Variants in G3BP2 observed in about 807,000 individuals in gnomAD.
The protein encoded by G3BP2 is G3BP stress granule assembly factor 2.
Under a neutral mutation model 56.7 loss-of-function variants are expected in G3BP2, and 11 were observed. The observed-to-expected ratio is 0.19, with a 90% CI of 0.12 to 0.32. G3BP2 has a LOEUF of 0.32. Among genes scored for constraint, G3BP2 ranks in the 10% least tolerant of loss-of-function variants. The probability of loss-of-function intolerance (pLI) is 1.00; values close to 1 mark genes in which losing one functional copy is unlikely to be tolerated. For synonymous variants in G3BP2, 165 were observed against 191.6 expected, an observed-to-expected ratio of 0.86 and a Z score of 1.15; for missense variants, 340 against 610.9, an observed-to-expected ratio of 0.56 and a Z score of 4.67.
At chr4:75,655,938 AC>A in intron 5 of G3BP2, 68 bp from the exon 6 acceptor site, 1 of 882,094 alleles carries the variant, frequency 1.1e-6, no homozygotes, top group African/African-American at 1.7e-5. Context: ...CATATTTTTA[AC>A]ATGTTTAAGG....
rs569431934 is a variant in G3BP2 at position 75,697,560 on chromosome 4, T to C, written c.-25+23317A>G. The stretch of plus-strand genomic sequence containing the variant: ...TTGTAAACAAGTGAAAGGCAAGCAA[T>C]AAACTGGGCAAAATATGCAATATGC... On this transcript the variant is annotated intron_variant, in intron 3 of 3. Coordinates refer to the G3BP2 transcript ENST00000499709. Among the ~76,000 whole-genome samples the C allele has an allele frequency of 1.4e-4, 21 of 152,206 alleles. No individual in the cohort carries two copies. The East Asian group carries it at 4.0e-3, about 29-fold the overall frequency.
chr4:75,673,328 G>A lies in G3BP2; in HGVS notation c.-145C>T. 1 of 1,230,196 alleles carries A rather than the reference G, an allele frequency of 8.1e-7. No homozygotes were observed. Among genetic ancestry groups the A allele is most frequent in the Middle Eastern group, 3.1e-4 (1 of 3,200 alleles). The allele number at this position is 1,230,196 out of a possible 1,614,324, so 76.2% of individuals were successfully genotyped here. On this transcript the variant is annotated 5_prime_UTR_variant, in exon 1 of 12. Transcript: ENST00000359707. ...CTCCGACAACTCGGAAGCCTCGGAA[G>A]CCGGAGAGCCGCGAGTTCGTCTGCC... is the stretch of plus-strand genomic sequence containing the variant.
At chr4:75,670,922 T>C (rs533036715) in intron 1 of G3BP2, among the ~76,000 whole-genome samples, 3 of 152,276 alleles carry the variant, frequency 2.0e-5, no homozygotes, top group South Asian at 2.1e-4. Flanking sequence ...TGTGAAACTG[T>C]TGAGAAGAGT....
At chr4:75,708,815 A>C (rs115412741) in intron 3 of G3BP2, among the ~76,000 whole-genome samples, 1 of 152,116 alleles carries the variant, frequency 6.6e-6, no homozygotes, top group Non-Finnish European at 1.5e-5. Flanking sequence ...AAAATAAAAA[A>C]CAAAAATAGC....
intron 11 of G3BP2, among the ~76,000 whole-genome samples, chr4:75,646,010 T>C (rs1259591424): frequency 1.3e-5 from 2 of 152,162 alleles, no homozygotes; most frequent in African/African-American, 4.8e-5. Flanking sequence ...TGTCTCACTG[T>C]TGCCCAGGCT....
intron 2 of G3BP2, 117 bp downstream of exon 2, chr4:75,661,814 T>C (rs2149000122): frequency 3.2e-6 from 2 of 618,990 alleles, no homozygotes; most frequent in South Asian, 4.2e-5. Context: ...GAATACAGTT[T>C]AGACATGTTT....
At position 75,654,983 on chromosome 4, in the gene G3BP2, A is replaced by G. The variant is rs570815215; in HGVS notation, c.726+83T>C. 7.1e-4 allele frequency: 599 copies of G among 849,620 alleles called. 2 individuals carry two copies. The highest frequency in any genetic ancestry group is 6.5e-5 in the Non-Finnish European group (35 of 541,790). The allele number at this position is 849,620 out of a possible 1,614,324, so 52.6% of individuals were successfully genotyped here. A position where few individuals can be genotyped will look rare whatever the true frequency, so the allele number is the denominator to read the frequency against. On this transcript the variant is annotated intron_variant, in intron 7 of 11. Transcript: ENST00000359707. ...AAAATAATTTACTAAACAATTTAAC[A>G]TAATAGAAAAAGGTCATACTTCATT...
At chr4:75,690,300 G>A (rs2149080175) in intron 3 of G3BP2, among the ~76,000 whole-genome samples, 1 of 152,162 alleles carries the variant, frequency 6.6e-6, no homozygotes, top group South Asian at 2.1e-4. Flanking sequence ...TGTGGTGGTG[G>A]GCACCTGTAG....
intron 1 of G3BP2, among the ~76,000 whole-genome samples, chr4:75,722,986 T>C (rs1349834038): frequency 6.6e-6 from 1 of 152,244 alleles, no homozygotes. Context: ...CTTAACAGTT[T>C]GGTTTAGCAA....
intron 3 of G3BP2, among the ~76,000 whole-genome samples, chr4:75,719,297 G>A (rs1288773325): frequency 1.4e-5 from 2 of 139,496 alleles, no homozygotes; most frequent in Non-Finnish European, 3.0e-5. Flanking sequence ...GCAGTGAGCC[G>A]AGATCCCGCC....
At chr4:75,704,012 G>GTTTTTTTTTTTTTTT (rs11315970) in intron 3 of G3BP2, among the ~76,000 whole-genome samples, 1 of 138,960 alleles carries the variant, frequency 7.2e-6, no homozygotes. Context: ...TCTATGAAAG[G>GTTTTTTTTTTTTTTT]TTTTTTTTTT....
intron 3 of G3BP2, among the ~76,000 whole-genome samples, chr4:75,718,808 T>C (rs1720028967): frequency 1.3e-5 from 2 of 152,160 alleles, no homozygotes; most frequent in Admixed American, 1.3e-4. Flanking sequence ...TTGGGAGTCT[T>C]TGATGAACTT....
At chr4:75,706,061 T>G (rs1473108295) in intron 3 of G3BP2, among the ~76,000 whole-genome samples, 1 of 151,940 alleles carries the variant, frequency 6.6e-6, no homozygotes, top group Non-Finnish European at 1.5e-5. Flanking sequence ...CAGAAAGGAG[T>G]GACACTATGA....
At chr4:75,720,796 AAAATAAATAAATAAATAAATAAAT>A (rs150099549) in intron 3 of G3BP2, among the ~76,000 whole-genome samples, 13 of 132,074 alleles carry the variant, frequency 9.8e-5, no homozygotes, top group African/African-American at 3.1e-4. Context: ...GCTCCATCTC[AAAATAAATAAATAAATAAATAAAT>A]AAATAAATAA....
chr4:75,662,260 T>C, intron 1 of G3BP2: 1 of 344,410 alleles, frequency 2.9e-6, no homozygotes, highest in Non-Finnish European at 5.3e-6. Flanking sequence ...TTCACTCTCC[T>C]TGCCCAGGCT....
Position 75,694,646 on chromosome 4 carries a change from G to A in G3BP2, c.-25+26231C>T, listed in dbSNP as rs116518052. On this transcript the variant is annotated intron_variant, in intron 3 of 3. Coordinates refer to the G3BP2 transcript ENST00000499709. ...ACTCCTACTCGGGAGGGTGAGGTGGGAGAATCGCTTGAATCCGCGAGGCGG... is the reference window on the plus strand; with the variant it reads ...ACTCCTACTCGGGAGGGTGAGGTGGAAGAATCGCTTGAATCCGCGAGGCGG... Among the ~76,000 whole-genome samples the A allele has an allele frequency of 2.6e-3, 400 of 152,354 alleles. 2 individuals are homozygous for A. The highest frequency in any genetic ancestry group is 9.1e-3 in the African/African-American group (377 of 41,588).
intron 3 of G3BP2, among the ~76,000 whole-genome samples, chr4:75,688,962 C>T (rs1158835541): frequency 6.6e-6 from 1 of 152,162 alleles, no homozygotes; most frequent in Non-Finnish European, 1.5e-5. Flanking sequence ...TACTTCATCC[C>T]TAGCTATATG....
chr4:75,689,956 T>C (rs954962620), intron 3 of G3BP2, among the ~76,000 whole-genome samples: 9 of 152,206 alleles, frequency 5.9e-5, no homozygotes, highest in African/African-American at 2.2e-4. Context: ...GGGGTGGCAA[T>C]AAGGTTTGGT....
intron 3 of G3BP2, 121 bp downstream of exon 3, chr4:75,658,722 C>T (rs1235665070): frequency 9.8e-6 from 7 of 714,312 alleles, no homozygotes; most frequent in South Asian, 6.6e-5. Context: ...AGCAAAACTC[C>T]GTCTCAAAAA....
Sources: allele counts gnomAD v4.1 joint callset (sites outside exome capture counted in the v4.1 genomes callset), GRCh38; gene constraint gnomAD v4.1.1; transcripts MANE v1.5; gene names NCBI Gene and HGNC (gene_info 2026-07-23, HGNC 2026-07-21).